OSBP2: variants seen among roughly 807,000 people sequenced by gnomAD.
OSBP2 encodes oxysterol binding protein 2.
OSBP2 carries 66 observed loss-of-function variants against 96.0 expected under a neutral mutation model. The ratio of observed to expected loss-of-function variants is 0.69; its 90% CI spans 0.56 to 0.84. OSBP2 has a LOEUF of 0.84. Ranked by LOEUF, OSBP2 falls within the 40% of genes least tolerant of loss-of-function variation. The pLI, the probability that OSBP2 is intolerant of heterozygous loss-of-function variation, is 0.00. For synonymous variants in OSBP2, 525 were observed against 520.9 expected, an observed-to-expected ratio of 1.01 and a Z score of -0.11; for missense variants, 1,038 against 1,222.7, an observed-to-expected ratio of 0.85 and a Z score of 2.25.
At chr22:30,855,485 G>A (rs927395723) in intron 2 of OSBP2, among the ~76,000 whole-genome samples, 2 of 152,190 alleles carry the variant, frequency 1.3e-5, no homozygotes, top group Non-Finnish European at 2.9e-5. Context: ...CTTAATGAAC[G>A]GTAAAGTGAT....
chr22:30,822,318 G>C (rs1188895955), intron 2 of OSBP2, among the ~76,000 whole-genome samples: 1 of 152,244 alleles, frequency 6.6e-6, no homozygotes, highest in Non-Finnish European at 1.5e-5. Flanking sequence ...TGGGGAGCCT[G>C]CATGGGCGTC....
intron 2 of OSBP2, among the ~76,000 whole-genome samples, chr22:30,769,621 C>A (rs1317015717): frequency 6.6e-6 from 1 of 151,992 alleles, no homozygotes; most frequent in African/African-American, 2.4e-5. Context: ...TACATTCCAG[C>A]CTGGGAAACA....
intron 1 of OSBP2, among the ~76,000 whole-genome samples, chr22:30,708,477 G>GTTTT (rs2089291362): frequency 6.6e-5 from 5 of 75,566 alleles, no homozygotes; most frequent in South Asian, 5.1e-4. Flanking sequence ...AAAGGATAAG[G>GTTTT]ATTTTTTTTT....
At chr22:30,717,195 C>T (rs749134630) in intron 1 of OSBP2, among the ~76,000 whole-genome samples, 13 of 150,534 alleles carry the variant, frequency 8.6e-5, no homozygotes, top group Middle Eastern at 3.4e-3. Context: ...AAGTGATTCT[C>T]CTACCTCAGC....
At chr22:30,872,947 A>G (rs1034683349) in intron 3 of OSBP2, among the ~76,000 whole-genome samples, 3 of 152,044 alleles carry the variant, frequency 2.0e-5, no homozygotes, top group African/African-American at 7.2e-5. Flanking sequence ...AGGCATTCCC[A>G]CCCTTGGCCA....
chr22:30,783,715 G>A (rs562097317), intron 2 of OSBP2, among the ~76,000 whole-genome samples: 6 of 152,114 alleles, frequency 3.9e-5, no homozygotes, highest in South Asian at 2.1e-4. Context: ...AAGCTTTGCC[G>A]TTGGGAATGC....
At chr22:30,809,060 T>C (rs946262871) in intron 2 of OSBP2, among the ~76,000 whole-genome samples, 1 of 152,302 alleles carries the variant, frequency 6.6e-6, no homozygotes, top group Admixed American at 6.5e-5. Flanking sequence ...ATTGGAATTA[T>C]GCTGCCACGG....
At chr22:30,883,368 G>A (rs1449533795) in intron 3 of OSBP2, among the ~76,000 whole-genome samples, 1 of 152,218 alleles carries the variant, frequency 6.6e-6, no homozygotes, top group African/African-American at 2.4e-5. Context: ...GGGATGCAGG[G>A]GACTTCCCTG....
chr22:30,840,502 G>A (rs1334993819), intron 2 of OSBP2, among the ~76,000 whole-genome samples: 1 of 152,144 alleles, frequency 6.6e-6, no homozygotes, highest in Admixed American at 6.6e-5. Flanking sequence ...ATGGGAGGGA[G>A]ATGGGGTGGG....
intron 2 of OSBP2, among the ~76,000 whole-genome samples, chr22:30,858,430 G>T (rs1040776150): frequency 6.6e-6 from 1 of 151,816 alleles, no homozygotes; most frequent in African/African-American, 2.4e-5. Flanking sequence ...ACAGGTGTGA[G>T]CCACCGCGCC....
intron 2 of OSBP2, chr22:30,764,349 AC>A: frequency 1.0e-6 from 1 of 985,372 alleles, no homozygotes; most frequent in Non-Finnish European, 1.2e-6. Flanking sequence ...GAATACCTGG[AC>A]AGCCTGCCAC....
At chr22:30,818,114 C>G (rs2091102561) in intron 2 of OSBP2, among the ~76,000 whole-genome samples, 1 of 152,118 alleles carries the variant, frequency 6.6e-6, no homozygotes, top group African/African-American at 2.4e-5. Flanking sequence ...CCCAAGCTGG[C>G]CTCAAACTCC....
intron 1 of OSBP2, among the ~76,000 whole-genome samples, chr22:30,704,517 A>AT (rs34976215): frequency 0.025 from 3,539 of 143,212 alleles, 111 homozygotes; most frequent in African/African-American, 0.081. Flanking sequence ...AGGAAAGCAG[A>AT]TTTTTTTTTT....
chr22:30,701,306 C>T (rs913379580), intron 1 of OSBP2, among the ~76,000 whole-genome samples: 7 of 150,688 alleles, frequency 4.6e-5, no homozygotes, highest in Non-Finnish European at 1.0e-4. Flanking sequence ...GTACTGTTTT[C>T]AATGTCAATT....
chr22:30,810,408 T>C (rs136251), intron 2 of OSBP2, among the ~76,000 whole-genome samples: 74,972 of 151,940 alleles, frequency 0.49, 19,465 homozygotes, highest in African/African-American at 0.66. Context: ...TCTATCCATT[T>C]CTGGCACCTC....
rs564702980 is a variant in OSBP2 at position 30,760,093 on chromosome 22, A to G, written c.853+18724A>G. On this transcript the variant is annotated intron_variant, in intron 2 of 13. Transcript: ENST00000332585. ...ATGTTGGCCAGGGTCATCCTGAACT[A>G]CTGACATCAGGTGATCCGCCTGCCT... 6.6e-5 allele frequency among the ~76,000 whole-genome samples: 10 copies of G among 151,222 alleles called. No individual in the cohort carries two copies. The South Asian group carries it at 2.1e-3, about 32-fold the overall frequency.
intron 1 of OSBP2, among the ~76,000 whole-genome samples, chr22:30,706,535 A>T (rs980773327): frequency 6.6e-6 from 1 of 152,076 alleles, no homozygotes; most frequent in African/African-American, 2.4e-5. Context: ...CTTGCATAGG[A>T]AACTGCCAGA....
chr22:30,730,793 TATATATATA>T (rs869225597), intron 1 of OSBP2, among the ~76,000 whole-genome samples: 2 of 54,334 alleles, frequency 3.7e-5, no homozygotes, highest in East Asian at 9.9e-4. Flanking sequence ...TATATATATA[TATATATATA>T]TATATAATTT....
At chr22:30,897,563 A>C (rs2040092274) in intron 12 of OSBP2, among the ~76,000 whole-genome samples, 1 of 152,252 alleles carries the variant, frequency 6.6e-6, no homozygotes, top group South Asian at 2.1e-4. Context: ...AATATTTGGG[A>C]AAAAATTTTA....
Sources: gnomAD v4.1 joint callset for allele counts (sites outside exome capture counted in the v4.1 genomes callset) on GRCh38, gnomAD v4.1.1 for gene constraint, MANE v1.5 for transcripts, NCBI Gene and HGNC (gene_info 2026-07-23, HGNC 2026-07-21) for gene names.